The following NPM1 variants were observed in gnomAD, a reference collection of about 807,000 sequenced individuals.
NPM1 encodes the protein nucleophosmin.
A neutral mutation model predicts 44.1 loss-of-function variants in NPM1; 1 was observed. The ratio of observed to expected loss-of-function variants is 0.02; its 90% CI spans 0.01 to 0.11. The LOEUF is 0.11. NPM1 is among the 10% of genes least tolerant of loss of function. NPM1 has a pLI of 1.00. For synonymous variants in NPM1, 126 were observed against 111.8 expected (o/e 1.13, Z -0.80); for missense variants, 197 against 347.8 (o/e 0.57, Z 3.45).
chr5:171,407,904 G>A, intron 10 of NPM1, 130 bp downstream of exon 10: 1 of 614,110 alleles, frequency 1.6e-6, no homozygotes, highest in East Asian at 2.8e-5. Context: ...TTCATTTAAT[G>A]AAATACCTGA....
intron 4 of NPM1, 124 bp from the exon 5 acceptor site, chr5:171,392,586 C>CTT (rs34475806): frequency 0.012 from 5,189 of 449,354 alleles, 21 homozygotes; most frequent in Middle Eastern, 0.024. Flanking sequence ...CCCATGTGCT[C>CTT]TTTTTTTTTT....
Position 171,410,514 on chromosome 5 carries a change from T to C in NPM1, c.847-13T>C, listed in dbSNP as rs1335042191. 4 of 1,550,016 alleles carry C rather than the reference T, an allele frequency of 2.6e-6. No individual in the cohort carries two copies. The highest frequency in any genetic ancestry group is 3.8e-5 in the Admixed American group (2 of 52,984). On this transcript the variant is annotated splice_polypyrimidine_tract_variant and intron_variant, in intron 10 of 10. Coordinates refer to ENST00000296930, the MANE Select transcript of NPM1 (RefSeq NM_002520.7). ...GTGGTTCCTTAACCACATTTCTTTT[T>C]TTTTTTTTCCAGGCTATTCAAGATC... is the stretch of plus-strand genomic sequence containing the variant.
intron 6 of NPM1, among the ~76,000 whole-genome samples, chr5:171,399,762 CA>C (rs1458971948): frequency 1.3e-5 from 2 of 151,728 alleles, no homozygotes; most frequent in Non-Finnish European, 2.9e-5. Flanking sequence ...ATACATTATA[CA>C]GTGGTATAGT....
chr5:171,409,740 T>A (rs1214720916), intron 10 of NPM1, among the ~76,000 whole-genome samples: 2 of 151,942 alleles, frequency 1.3e-5, no homozygotes, highest in African/African-American at 4.8e-5. Context: ...TCCTGACCTC[T>A]CAGGTGATCC....
intron 6 of NPM1, among the ~76,000 whole-genome samples, chr5:171,393,676 T>C (rs1018954250): frequency 6.6e-6 from 1 of 152,262 alleles, no homozygotes; most frequent in Non-Finnish European, 1.5e-5. Context: ...TTGGTCCATA[T>C]GCATTTATTG....
intron 6 of NPM1, among the ~76,000 whole-genome samples, chr5:171,396,136 T>C (rs1220549346): frequency 6.6e-6 from 1 of 152,020 alleles, no homozygotes; most frequent in Non-Finnish European, 1.5e-5. Flanking sequence ...TGTGCCAGCA[T>C]GCCAGGCTAA....
intron 9 of NPM1, among the ~76,000 whole-genome samples, chr5:171,406,212 A>AG (rs768851804): frequency 6.6e-6 from 1 of 152,150 alleles, no homozygotes; most frequent in Non-Finnish European, 1.5e-5. Context: ...TTCCTTGTAC[A>AG]GTGATAAGTC....
At chr5:171,387,512 C>G (rs1339825811), upstream of NPM1, 1 of 205,432 alleles carries the variant, frequency 4.9e-6, no homozygotes, top group Non-Finnish European at 9.9e-6. Context: ...GGGTGGGCTG[C>G]GCAGACTCTT....
intron 10 of NPM1, among the ~76,000 whole-genome samples, chr5:171,409,747 A>G (rs1478469168): frequency 6.6e-6 from 1 of 151,784 alleles, no homozygotes; most frequent in Admixed American, 6.6e-5. Flanking sequence ...CTCTCAGGTG[A>G]TCCAACACCT....
intron 1 of NPM1, among the ~76,000 whole-genome samples, chr5:171,388,920 C>T (rs1770425423): frequency 6.6e-6 from 1 of 152,148 alleles, no homozygotes; most frequent in Non-Finnish European, 1.5e-5. Flanking sequence ...CGCTTGACTC[C>T]GTAGCTGCTG....
intron 6 of NPM1, among the ~76,000 whole-genome samples, chr5:171,399,222 G>A (rs1771067124): frequency 6.6e-6 from 1 of 151,750 alleles, no homozygotes; most frequent in African/African-American, 2.4e-5. Context: ...TTTCCAGATT[G>A]CATTTGGCCT....
intron 4 of NPM1, 65 bp from the exon 5 acceptor site, chr5:171,392,644 AG>A (rs1449048797): frequency 1.1e-6 from 1 of 942,028 alleles, no homozygotes; most frequent in Non-Finnish European, 1.6e-6. Flanking sequence ...ATTTACTATC[AG>A]TGTTCTTTTT....
At chr5:171,390,430 C>G (rs1450971344) in intron 2 of NPM1, among the ~76,000 whole-genome samples, 2 of 152,180 alleles carry the variant, frequency 1.3e-5, no homozygotes, top group African/African-American at 2.4e-5. Context: ...AGAGACTAGC[C>G]TTCTGCTCAA....
chr5:171,395,598 C>T (rs953212394), intron 6 of NPM1, among the ~76,000 whole-genome samples: 1 of 152,114 alleles, frequency 6.6e-6, no homozygotes, highest in Non-Finnish European at 1.5e-5. Context: ...AGAAAGTGTA[C>T]TAAGGTCTGC....
chr5:171,407,582 A>G (rs966898931), intron 9 of NPM1, 118 bp from the exon 10 acceptor site: 45 of 692,250 alleles, frequency 6.5e-5, no homozygotes, highest in Non-Finnish European at 1.1e-4. Context: ...TGGAAAGTTG[A>G]AGGGAAAAAG....
intron 8 of NPM1, 72 bp from the exon 9 acceptor site, chr5:171,405,230 C>T (rs955063796): frequency 2.0e-5 from 14 of 717,898 alleles, no homozygotes; most frequent in South Asian, 1.0e-4. Flanking sequence ...TTGAGGAAAT[C>T]CAGATAGAAT....
At chr5:171,409,509 C>A (rs1242814085) in intron 10 of NPM1, among the ~76,000 whole-genome samples, 1 of 152,150 alleles carries the variant, frequency 6.6e-6, no homozygotes, top group Non-Finnish European at 1.5e-5. Context: ...CGCCACTGCA[C>A]TCCAGTCTGG....
intron 6 of NPM1, among the ~76,000 whole-genome samples, chr5:171,395,098 T>A (rs936255997): frequency 2.6e-5 from 4 of 152,156 alleles, no homozygotes; most frequent in Admixed American, 2.0e-4. Context: ...GAGAATTGCT[T>A]GAACCTGGGA....
chr5:171,395,647 T>C (rs1354793458), intron 6 of NPM1, among the ~76,000 whole-genome samples: 1 of 152,168 alleles, frequency 6.6e-6, no homozygotes, highest in Non-Finnish European at 1.5e-5. Flanking sequence ...CAAATATTAA[T>C]AGAAACTTCA....
Sources: allele counts gnomAD v4.1 joint callset (sites outside exome capture counted in the v4.1 genomes callset), GRCh38; gene constraint gnomAD v4.1.1; transcripts MANE v1.5; gene names NCBI Gene and HGNC (gene_info 2026-07-23, HGNC 2026-07-21).